The following GRIP1 variants were observed in gnomAD, a reference collection of about 807,000 sequenced individuals.
GRIP1 encodes glutamate receptor-interacting protein 1.
Under a neutral mutation model 129.9 loss-of-function variants are expected in GRIP1, and 45 were observed. The observed-to-expected ratio is 0.35, with a 90% CI of 0.27 to 0.44. The LOEUF is 0.44. Among genes scored for constraint, GRIP1 ranks in the 20% least tolerant of loss-of-function variants. The pLI, the probability that GRIP1 is intolerant of heterozygous loss-of-function variation, is 1.00. For synonymous variants in GRIP1, 530 were observed against 520.8 expected (o/e 1.02, Z -0.24); for missense variants, 1,196 against 1,396.8 (o/e 0.86, Z 2.29).
chr12:67,011,702 T>G (rs1216395207), intron 1 of GRIP1, among the ~76,000 whole-genome samples: 1 of 152,172 alleles, frequency 6.6e-6, no homozygotes. Context: ...GTTCTCCTTC[T>G]TATTCTTTCA....
At chr12:66,456,458 G>T in intron 9 of GRIP1, 116 bp from the exon 10 acceptor site, 1 of 455,102 alleles carries the variant, frequency 2.2e-6, no homozygotes, top group Non-Finnish European at 3.6e-6. Flanking sequence ...AAAGAAAGCT[G>T]CTTGCAAATA....
intron 13 of GRIP1, among the ~76,000 whole-genome samples, chr12:66,441,277 G>T (rs1431918853): frequency 6.6e-6 from 1 of 152,042 alleles, no homozygotes; most frequent in Non-Finnish European, 1.5e-5. Flanking sequence ...ACCTTCTTTT[G>T]GTTCTCCTTC....
At chr12:66,477,470 T>C (rs549403111) in intron 7 of GRIP1, among the ~76,000 whole-genome samples, 216 of 152,058 alleles carry the variant, frequency 1.4e-3, no homozygotes, top group Non-Finnish European at 2.8e-3. Flanking sequence ...AATTTATAGA[T>C]TCAATGCCAT....
chr12:66,566,007 T>TA (rs1187223562), intron 2 of GRIP1, among the ~76,000 whole-genome samples: 6 of 152,214 alleles, frequency 3.9e-5, no homozygotes, highest in Non-Finnish European at 8.8e-5. Context: ...CTTATCAGCT[T>TA]AATGAGATTT....
intron 2 of GRIP1, among the ~76,000 whole-genome samples, chr12:66,555,479 A>T (rs985126770): frequency 1.3e-5 from 2 of 152,208 alleles, no homozygotes; most frequent in African/African-American, 4.8e-5. Flanking sequence ...GACGACTACA[A>T]TAAATACTTA....
At chr12:67,063,680 T>G (rs1178783579) in intron 1 of GRIP1, among the ~76,000 whole-genome samples, 2 of 152,220 alleles carry the variant, frequency 1.3e-5, no homozygotes, top group Non-Finnish European at 2.9e-5. Context: ...CTAAATGCCT[T>G]TAATAGTTTG....
chr12:66,807,655 T>G (rs973666806), upstream of GRIP1, among the ~76,000 whole-genome samples: 20 of 151,846 alleles, frequency 1.3e-4, no homozygotes, highest in African/African-American at 4.8e-4. Flanking sequence ...GCCTGGGCGA[T>G]GGAGTAAAAA....
intron 1 of GRIP1, among the ~76,000 whole-genome samples, chr12:66,815,689 G>C (rs1450538700): frequency 2.0e-5 from 3 of 152,040 alleles, no homozygotes; most frequent in South Asian, 4.2e-4. Context: ...GCTTCAGCTC[G>C]GGAAGTAGAG....
chr12:66,622,813 C>A (rs1288155071), intron 1 of GRIP1, among the ~76,000 whole-genome samples: 2 of 152,148 alleles, frequency 1.3e-5, no homozygotes, highest in Non-Finnish European at 2.9e-5. Flanking sequence ...AGTCTCAACC[C>A]AGTCATCCCC....
chr12:66,598,307 G>C (rs1457003596), intron 1 of GRIP1, among the ~76,000 whole-genome samples: 5 of 152,166 alleles, frequency 3.3e-5, no homozygotes, highest in African/African-American at 1.2e-4. Context: ...TAACACTGCT[G>C]TAAGTGGCAA....
At chr12:67,036,180 C>G (rs1312336738) in intron 1 of GRIP1, among the ~76,000 whole-genome samples, 47 of 152,118 alleles carry the variant, frequency 3.1e-4, no homozygotes, top group Non-Finnish European at 4.4e-5. Context: ...AGCTTGAACT[C>G]ATCGACAAAA....
chr12:67,004,345 C>T (rs1671334924), intron 1 of GRIP1, among the ~76,000 whole-genome samples: 1 of 152,154 alleles, frequency 6.6e-6, no homozygotes, highest in South Asian at 2.1e-4. Context: ...GGACAGGCCC[C>T]AGTTGTAACA....
chr12:66,542,044 T>A (rs117675467), intron 2 of GRIP1, 94 bp from the exon 3 acceptor site: 19 of 1,142,888 alleles, frequency 1.7e-5, no homozygotes, highest in Non-Finnish European at 2.5e-5. Context: ...TTTTCTTTTA[T>A]GAGAAAAGAT....
intron 2 of GRIP1, among the ~76,000 whole-genome samples, chr12:66,584,489 C>G (rs1488531142): frequency 6.6e-6 from 1 of 152,174 alleles, no homozygotes; most frequent in Admixed American, 6.5e-5. Context: ...AGGAGAATCA[C>G]TTGAACCCGG....
At chr12:66,526,420 A>C (rs1321078037) in intron 5 of GRIP1, among the ~76,000 whole-genome samples, 1 of 152,102 alleles carries the variant, frequency 6.6e-6, no homozygotes, top group Non-Finnish European at 1.5e-5. Flanking sequence ...CTAAAACAAG[A>C]AATGGGGAAA....
At chr12:66,658,283 G>A (rs796914725) in intron 1 of GRIP1, among the ~76,000 whole-genome samples, 7 of 152,262 alleles carry the variant, frequency 4.6e-5, no homozygotes, top group Admixed American at 1.3e-4. Flanking sequence ...TAAGCTAACC[G>A]TAGGTTTGGG....
rs372481182 is a variant in GRIP1, at chr12:66,799,193, T to C, written c.-420+4860A>G. ...TCTTTATTCCATATAGAAAAAAATA[T>C]AGCTTGAGACAAGAAAGTTGGTCAT... On this transcript the variant is annotated intron_variant, in intron 1 of 4. Coordinates refer to the GRIP1 transcript ENST00000538373. Among the ~76,000 whole-genome samples, 29 of 152,230 alleles carry C rather than the reference T, an allele frequency of 1.9e-4. 1 individual carries two copies. The highest frequency in any genetic ancestry group is 7.0e-4 in the African/African-American group (29 of 41,542).
At chr12:66,356,145 G>C (rs889190325) in intron 23 of GRIP1, among the ~76,000 whole-genome samples, 11 of 152,222 alleles carry the variant, frequency 7.2e-5, no homozygotes, top group African/African-American at 2.7e-4. Context: ...AGGAAGGTAG[G>C]GGGAGGGTCC....
intron 1 of GRIP1, among the ~76,000 whole-genome samples, chr12:66,748,507 T>G (rs2037022837): frequency 6.6e-6 from 1 of 152,222 alleles, no homozygotes; most frequent in South Asian, 2.1e-4. Context: ...CCTTTTAACT[T>G]TCAGTACCAG....
Sources: allele counts gnomAD v4.1 joint callset (sites outside exome capture counted in the v4.1 genomes callset), GRCh38; gene constraint gnomAD v4.1.1; transcripts MANE v1.5; gene names NCBI Gene and HGNC (gene_info 2026-07-23, HGNC 2026-07-21).